COL22A1: variants seen among roughly 807,000 people sequenced by gnomAD.
COL22A1 encodes the protein collagen type XXII alpha 1 chain.
A neutral mutation model predicts 248.9 loss-of-function variants in COL22A1; 221 were observed. That is an observed-to-expected ratio of 0.89 (90% CI 0.80 to 0.99). COL22A1 has a LOEUF of 0.99. Among genes scored for constraint, COL22A1 ranks in the 50% least tolerant of loss-of-function variants. The pLI is 0.00. For missense variants in COL22A1, 2,240 were observed against 2,179.0 expected, an observed-to-expected ratio of 1.03 and a Z score of -0.56; for synonymous variants, 891 against 793.4, an observed-to-expected ratio of 1.12 and a Z score of -2.07.
At chr8:138,784,918 G>A (rs1009019922) in intron 12 of COL22A1, among the ~76,000 whole-genome samples, 8 of 152,090 alleles carry the variant, frequency 5.3e-5, no homozygotes, top group Non-Finnish European at 1.2e-4. Flanking sequence ...GTGTGCTTCC[G>A]AACATCTTCA....
chr8:138,791,619 G>A (rs937768092), intron 12 of COL22A1, among the ~76,000 whole-genome samples: 14 of 152,110 alleles, frequency 9.2e-5, no homozygotes, highest in East Asian at 3.9e-4. Context: ...CTCCAATGCC[G>A]TGACTTCAGA....
At chr8:138,780,199 A>G (rs181651289) in intron 13 of COL22A1, among the ~76,000 whole-genome samples, 2 of 152,246 alleles carry the variant, frequency 1.3e-5, no homozygotes, top group African/African-American at 2.4e-5. Context: ...GGCCACCTAG[A>G]GTGGAGTGAG....
chr8:138,911,478 G>C (rs893436508), intron 1 of COL22A1, among the ~76,000 whole-genome samples: 7 of 152,208 alleles, frequency 4.6e-5, no homozygotes, highest in Admixed American at 1.3e-4. Context: ...CTAACTCAGA[G>C]CAAGCAAGCT....
chr8:138,644,914 T>C (rs1368053208), intron 47 of COL22A1, among the ~76,000 whole-genome samples: 1 of 152,172 alleles, frequency 6.6e-6, no homozygotes, highest in Non-Finnish European at 1.5e-5. Flanking sequence ...AGTGCAATCC[T>C]ATGTGAGAAA....
intron 47 of COL22A1, among the ~76,000 whole-genome samples, chr8:138,646,241 T>C (rs1822192865): frequency 6.6e-6 from 1 of 152,216 alleles, no homozygotes; most frequent in South Asian, 2.1e-4. Flanking sequence ...ATTTTTCAAC[T>C]GAGTGCCACA....
intron 7 of COL22A1, among the ~76,000 whole-genome samples, chr8:138,816,076 A>C (rs1314455292): frequency 2.6e-5 from 4 of 152,234 alleles, no homozygotes; most frequent in African/African-American, 9.6e-5. Context: ...GTTTTGAACA[A>C]AGCCTACTTT....
At chr8:138,853,564 G>T (rs1406543181) in intron 3 of COL22A1, among the ~76,000 whole-genome samples, 3 of 152,132 alleles carry the variant, frequency 2.0e-5, no homozygotes, top group Non-Finnish European at 4.4e-5. Flanking sequence ...CTACTTCAAA[G>T]TTGGGGTGCC....
chr8:138,831,335 A>G (rs913871444), intron 5 of COL22A1, among the ~76,000 whole-genome samples: 1 of 152,164 alleles, frequency 6.6e-6, no homozygotes, highest in Non-Finnish European at 1.5e-5. Context: ...ATATTTCCTC[A>G]TTCCCTACTC....
chr8:138,617,658 C>T (rs1347261474), intron 53 of COL22A1, among the ~76,000 whole-genome samples: 2 of 152,148 alleles, frequency 1.3e-5, no homozygotes, highest in Non-Finnish European at 2.9e-5. Context: ...AAAATGCCCG[C>T]CTGGCATAGC....
chr8:138,820,767 C>T (rs1819047425), intron 7 of COL22A1, among the ~76,000 whole-genome samples: 1 of 152,126 alleles, frequency 6.6e-6, no homozygotes, highest in African/African-American at 2.4e-5. Flanking sequence ...TGTGACTTTG[C>T]AGACCTAGGA....
chr8:138,800,087 C>T (rs1409318374), intron 11 of COL22A1, among the ~76,000 whole-genome samples: 1 of 152,194 alleles, frequency 6.6e-6, no homozygotes, highest in Non-Finnish European at 1.5e-5. Context: ...ATATCTGCAT[C>T]CCTGCTCTGG....
intron 12 of COL22A1, among the ~76,000 whole-genome samples, chr8:138,788,236 G>A (rs1815715567): frequency 6.6e-6 from 1 of 152,198 alleles, no homozygotes; most frequent in Admixed American, 6.5e-5. Context: ...GGCTTAACAA[G>A]TCCTCCAGGT....
chr8:138,865,117 A>G (rs932098593), intron 3 of COL22A1, among the ~76,000 whole-genome samples: 3 of 152,254 alleles, frequency 2.0e-5, no homozygotes, highest in African/African-American at 7.2e-5. Context: ...GATTTCCAGA[A>G]TATGGAAGCA....
intron 32 of COL22A1, among the ~76,000 whole-genome samples, 171 bp downstream of exon 32, chr8:138,699,941 G>C (rs1193765250): frequency 3.3e-5 from 5 of 152,212 alleles, no homozygotes; most frequent in Non-Finnish European, 7.3e-5. Flanking sequence ...CTCCCTGCAA[G>C]GCCCTTTCTC....
intron 30 of COL22A1, among the ~76,000 whole-genome samples, chr8:138,714,763 G>T (rs773292721): frequency 6.6e-6 from 1 of 152,170 alleles, no homozygotes; most frequent in Admixed American, 6.5e-5. Flanking sequence ...ACACAGTAGG[G>T]CTCCACAAAT....
At chr8:138,909,423 T>C (rs1387914492) in intron 1 of COL22A1, among the ~76,000 whole-genome samples, 1 of 151,994 alleles carries the variant, frequency 6.6e-6, no homozygotes, top group Non-Finnish European at 1.5e-5. Flanking sequence ...GAGCAGACTG[T>C]GCCCCTGACA....
intron 12 of COL22A1, among the ~76,000 whole-genome samples, chr8:138,786,573 C>T (rs779482016): frequency 8.5e-5 from 13 of 152,158 alleles, no homozygotes; most frequent in Admixed American, 3.3e-4. Context: ...CAAAATTCCC[C>T]AGCTGGACTC....
chr8:138,871,339 C>T (rs923846563), intron 3 of COL22A1, among the ~76,000 whole-genome samples: 2 of 152,316 alleles, frequency 1.3e-5, no homozygotes, highest in Admixed American at 1.3e-4. Context: ...AGCCCCCAGT[C>T]CTGCCTCCTA....
intron 45 of COL22A1, among the ~76,000 whole-genome samples, chr8:138,650,883 T>C (rs942408367): frequency 1.3e-5 from 2 of 152,312 alleles, no homozygotes; most frequent in East Asian, 1.9e-4. Context: ...AGTGAGTGTG[T>C]GTCTTGAAGA....
Sources: allele counts gnomAD v4.1 joint callset (sites outside exome capture counted in the v4.1 genomes callset), GRCh38; gene constraint gnomAD v4.1.1; transcripts MANE v1.5; gene names NCBI Gene and HGNC (gene_info 2026-07-23, HGNC 2026-07-21).